The following PDE4D variants were observed in gnomAD, a reference collection of about 807,000 sequenced individuals.
PDE4D encodes phosphodiesterase 4D, also known as 3',5'-cyclic-AMP phosphodiesterase 4D.
A neutral mutation model predicts 87.4 loss-of-function variants in PDE4D; 24 were observed. The observed-to-expected ratio is 0.27, with a 90% CI of 0.20 to 0.39. The LOEUF is 0.39. PDE4D is among the 10% of genes least tolerant of loss of function. PDE4D has a pLI of 1.00. For synonymous variants in PDE4D, 384 were observed against 383.2 expected (o/e 1.00, Z -0.02); for missense variants, 714 against 1,041.0 (o/e 0.69, Z 4.32).
intron 1 of PDE4D, among the ~76,000 whole-genome samples, chr5:59,300,053 A>G (rs1769894602): frequency 7.2e-6 from 1 of 138,900 alleles, no homozygotes; most frequent in Admixed American, 8.1e-5. Flanking sequence ...TGGAGGTTGC[A>G]GTGAGCAGAG....
intron 1 of PDE4D, among the ~76,000 whole-genome samples, chr5:60,380,437 T>C (rs1238760149): frequency 6.6e-6 from 1 of 152,230 alleles, no homozygotes. Context: ...ACATAGTATA[T>C]GCACCACTTT....
At chr5:59,241,532 A>G (rs1337266395) in intron 1 of PDE4D, among the ~76,000 whole-genome samples, 1 of 152,226 alleles carries the variant, frequency 6.6e-6, no homozygotes, top group Non-Finnish European at 1.5e-5. Context: ...TATTTGTTAG[A>G]GAGAATATTT....
At chr5:60,310,903 C>T (rs1311290316) in intron 1 of PDE4D, among the ~76,000 whole-genome samples, 1 of 152,192 alleles carries the variant, frequency 6.6e-6, no homozygotes, top group African/African-American at 2.4e-5. Flanking sequence ...ATTCCATGTG[C>T]TCTCCTGTGT....
At chr5:59,394,924 G>A (rs985061469) in intron 1 of PDE4D, among the ~76,000 whole-genome samples, 7 of 152,110 alleles carry the variant, frequency 4.6e-5, no homozygotes, top group East Asian at 1.9e-4. Context: ...CTCGGGAAGT[G>A]CAAGGGGTCA....
chr5:59,866,120 T>C (rs1746993782), intron 1 of PDE4D, among the ~76,000 whole-genome samples: 1 of 152,226 alleles, frequency 6.6e-6, no homozygotes, highest in Non-Finnish European at 1.5e-5. Context: ...TCTCAATCAT[T>C]TGTGTCTTGT....
intron 1 of PDE4D, among the ~76,000 whole-genome samples, chr5:59,247,288 G>T (rs1759031079): frequency 6.6e-6 from 1 of 152,130 alleles, no homozygotes; most frequent in African/African-American, 2.4e-5. Context: ...TACATTGAAA[G>T]ACACATAGTA....
At chr5:59,226,339 T>C (rs1753772540) in intron 1 of PDE4D, among the ~76,000 whole-genome samples, 1 of 152,206 alleles carries the variant, frequency 6.6e-6, no homozygotes, top group Non-Finnish European at 1.5e-5. Context: ...TCCTGTCATA[T>C]GCTACAACAT....
At chr5:59,542,169 AT>A (rs1016105200) in intron 1 of PDE4D, among the ~76,000 whole-genome samples, 9 of 151,910 alleles carry the variant, frequency 5.9e-5, no homozygotes, top group African/African-American at 2.2e-4. Context: ...TCCTAGTGCT[AT>A]TTTTTTCTCT....
intron 1 of PDE4D, among the ~76,000 whole-genome samples, chr5:60,426,929 A>G (rs1468789216): frequency 6.6e-6 from 1 of 152,228 alleles, no homozygotes; most frequent in Non-Finnish European, 1.5e-5. Flanking sequence ...TGAACAATTT[A>G]GTGGACAGGT....
intron 1 of PDE4D, among the ~76,000 whole-genome samples, chr5:59,258,938 A>G (rs1823070): frequency 0.24 from 36,545 of 151,416 alleles, 4,713 homozygotes; most frequent in Admixed American, 0.36. Context: ...TCATACTTTT[A>G]TTAATTTTCA....
chr5:59,805,465 A>C (rs1454318840), intron 1 of PDE4D, among the ~76,000 whole-genome samples: 3 of 152,240 alleles, frequency 2.0e-5, no homozygotes, highest in African/African-American at 7.2e-5. Context: ...TCACTTAGTG[A>C]AAATTCATTG....
rs181457976 is a variant in PDE4D at position 60,456,270 on chromosome 5, G to A, written c.-90+31672C>T. ...AATATCCACATGGCTCTGCAGAATC[G>A]TCTCCCCATAAGGCATGGCACAGTG... On this transcript the variant is annotated intron_variant, in intron 1 of 16. Coordinates refer to the PDE4D transcript ENST00000502484. Among the ~76,000 whole-genome samples the A allele has an allele frequency of 1.8e-3, 270 of 152,274 alleles. 3 individuals are homozygous for A. Among genetic ancestry groups the A allele is most frequent in the Middle Eastern group, 6.8e-3 (2 of 294 alleles).
chr5:60,393,324 C>T (rs1201372002), intron 1 of PDE4D, among the ~76,000 whole-genome samples: 1 of 152,150 alleles, frequency 6.6e-6, no homozygotes, highest in Non-Finnish European at 1.5e-5. Flanking sequence ...AAAGGCTTTT[C>T]TAAGCCAAGA....
intron 1 of PDE4D, among the ~76,000 whole-genome samples, chr5:59,322,941 G>A (rs1289890857): frequency 2.6e-5 from 4 of 152,106 alleles, no homozygotes; most frequent in African/African-American, 9.7e-5. Context: ...TTTTGTAGTT[G>A]ATTGTTCGGT....
intron 1 of PDE4D, among the ~76,000 whole-genome samples, chr5:59,366,324 T>C (rs921601513): frequency 1.3e-5 from 2 of 152,170 alleles, no homozygotes; most frequent in Non-Finnish European, 1.5e-5. Flanking sequence ...TTTTTCTATG[T>C]CATATAAAGC....
intron 5 of PDE4D, among the ~76,000 whole-genome samples, chr5:59,055,077 G>A (rs142444141): frequency 2.0e-4 from 31 of 152,272 alleles, no homozygotes; most frequent in African/African-American, 4.6e-4. Flanking sequence ...TCACTGAAAT[G>A]CCTATAGGAG....
chr5:60,154,832 A>G (rs1781821009), intron 2 of PDE4D, among the ~76,000 whole-genome samples: 1 of 152,196 alleles, frequency 6.6e-6, no homozygotes. Context: ...GGAATCATAT[A>G]GTATGCATTC....
intron 1 of PDE4D, among the ~76,000 whole-genome samples, chr5:60,295,331 T>C (rs765253356): frequency 2.0e-5 from 3 of 152,212 alleles, no homozygotes; most frequent in Non-Finnish European, 4.4e-5. Context: ...TTGCAAATTG[T>C]ATGAGTTTTA....
At chr5:60,050,248 A>T (rs1302150080) in intron 2 of PDE4D, among the ~76,000 whole-genome samples, 4 of 152,012 alleles carry the variant, frequency 2.6e-5, no homozygotes, top group African/African-American at 9.7e-5. Flanking sequence ...GCACCCACTG[A>T]CCTGCGCCCA....
Sources: gnomAD v4.1 joint callset for allele counts (sites outside exome capture counted in the v4.1 genomes callset) on GRCh38, gnomAD v4.1.1 for gene constraint, MANE v1.5 for transcripts, NCBI Gene and HGNC (gene_info 2026-07-23, HGNC 2026-07-21) for gene names.